Variants in DRC8 observed in about 807,000 individuals in gnomAD.
DRC8 encodes the protein dynein regulatory complex subunit 8.
chr1:244,991,029 A>AAG, the DRC8 span, among the ~76,000 whole-genome samples: 1 of 152,014 alleles, frequency 6.6e-6, no homozygotes, highest in African/African-American at 2.4e-5. Flanking sequence ...CCACAAGACC[A>AAG]TTCCCTAGGA....
chr1:245,026,004 C>A, the DRC8 span, among the ~76,000 whole-genome samples: 1 of 152,280 alleles, frequency 6.6e-6, no homozygotes, highest in East Asian at 1.9e-4. Context: ...TTCTTCATAG[C>A]AGTATTAGTG....
the DRC8 span, among the ~76,000 whole-genome samples, chr1:245,032,657 T>C: frequency 7.2e-4 from 110 of 152,288 alleles, no homozygotes; most frequent in African/African-American, 2.6e-3. Context: ...CATACAACAT[T>C]GCCTTTTCTC....
At chr1:245,017,112 A>C in the DRC8 span, 1 of 873,260 alleles carries the variant, frequency 1.1e-6, no homozygotes, top group Non-Finnish European at 1.7e-6. Context: ...AACATGCTAA[A>C]TGATACATAA....
At chr1:245,053,424 A>T in the DRC8 span, among the ~76,000 whole-genome samples, 1 of 152,208 alleles carries the variant, frequency 6.6e-6, no homozygotes, top group Non-Finnish European at 1.5e-5. Context: ...GCTCAGCCAC[A>T]GGGAGCCTTA....
the DRC8 span, among the ~76,000 whole-genome samples, chr1:245,044,861 A>G: frequency 2.0e-5 from 3 of 151,214 alleles, no homozygotes; most frequent in African/African-American, 4.9e-5. Flanking sequence ...CAGCCCCAAC[A>G]AAGTGCTGGG....
the DRC8 span, among the ~76,000 whole-genome samples, chr1:245,110,208 C>T: frequency 6.6e-6 from 1 of 151,954 alleles, no homozygotes; most frequent in Non-Finnish European, 1.5e-5. Context: ...CATGGTGAAA[C>T]CTCATCTCTA....
chr1:245,096,371 C>A, the DRC8 span, among the ~76,000 whole-genome samples: 1 of 152,252 alleles, frequency 6.6e-6, no homozygotes, highest in South Asian at 2.1e-4. Flanking sequence ...ACTGGCCTCC[C>A]GCGCTCACAC....
the DRC8 span, among the ~76,000 whole-genome samples, chr1:245,032,983 A>T: frequency 7.0e-6 from 1 of 142,496 alleles, no homozygotes. Flanking sequence ...TTTCAGGATT[A>T]AAAAAAAAAA....
the DRC8 span, chr1:245,002,084 AT>A: frequency 6.6e-7 from 1 of 1,523,132 alleles, no homozygotes; most frequent in Non-Finnish European, 9.0e-7. Flanking sequence ...ATTTTTATTG[AT>A]CACCAAGTAC....
At chr1:245,113,193 C>G in the DRC8 span, among the ~76,000 whole-genome samples, 1 of 152,320 alleles carries the variant, frequency 6.6e-6, no homozygotes, top group South Asian at 2.1e-4. Flanking sequence ...AAGTTTCCCC[C>G]CTAAGAGCTT....
the DRC8 span, among the ~76,000 whole-genome samples, chr1:245,017,703 A>G: frequency 3.3e-5 from 5 of 152,174 alleles, no homozygotes; most frequent in African/African-American, 4.8e-5. Context: ...TAAGGCCACA[A>G]ATAGGATATT....
the DRC8 span, among the ~76,000 whole-genome samples, chr1:245,075,864 G>A: frequency 1.5e-3 from 228 of 152,284 alleles, 1 homozygote; most frequent in South Asian, 4.1e-3. Context: ...TCTTTTGAAG[G>A]GAGGGATGTG....
chr1:245,017,249 A>C, the DRC8 span: 1 of 1,606,372 alleles, frequency 6.2e-7, no homozygotes. Context: ...CAGAGATAAT[A>C]GTAGCAGAAT....
chr1:245,025,187 A>G, the DRC8 span, among the ~76,000 whole-genome samples: 7 of 152,246 alleles, frequency 4.6e-5, 1 homozygote, highest in Non-Finnish European at 1.5e-5. Flanking sequence ...GGGACAAAAT[A>G]CACCCACAAG....
At chr1:245,050,665 T>G in the DRC8 span, among the ~76,000 whole-genome samples, 1 of 152,182 alleles carries the variant, frequency 6.6e-6, no homozygotes, top group African/African-American at 2.4e-5. Flanking sequence ...GCTGTGGAAC[T>G]CTCAGCTATT....
At chr1:245,072,283 T>C in the DRC8 span, among the ~76,000 whole-genome samples, 1 of 152,130 alleles carries the variant, frequency 6.6e-6, no homozygotes, top group African/African-American at 2.4e-5. Context: ...TGAAGAAACC[T>C]TTTTTCTTTT....
At chr1:245,078,052 A>T in the DRC8 span, among the ~76,000 whole-genome samples, 4 of 152,166 alleles carry the variant, frequency 2.6e-5, no homozygotes, top group African/African-American at 9.7e-5. Flanking sequence ...GGAAAAAAGG[A>T]CCTGACATTT....
At chr1:245,121,081 G>GA in the DRC8 span, among the ~76,000 whole-genome samples, 1 of 152,148 alleles carries the variant, frequency 6.6e-6, no homozygotes, top group African/African-American at 2.4e-5. Context: ...CTTTAGTTTT[G>GA]AAACCTTTGT....
the DRC8 span, among the ~76,000 whole-genome samples, chr1:245,116,746 A>T: frequency 2.0e-5 from 3 of 152,260 alleles, no homozygotes; most frequent in East Asian, 5.8e-4. Flanking sequence ...TCAAAGTAGC[A>T]TAAAAGCTGG....
Sources: allele counts gnomAD v4.1 joint callset (sites outside exome capture counted in the v4.1 genomes callset), GRCh38; gene constraint gnomAD v4.1.1; transcripts MANE v1.5; gene names NCBI Gene and HGNC (gene_info 2026-07-23, HGNC 2026-07-21).